RERE: variants seen among roughly 807,000 people sequenced by gnomAD.
RERE encodes arginine-glutamic acid dipeptide repeats.
In RERE, 40 loss-of-function variants were observed where a neutral mutation model predicts 146.1. The observed-to-expected ratio is 0.27, with a 90% CI of 0.21 to 0.36. The LOEUF is 0.36. RERE is among the 10% of genes least tolerant of loss of function. The pLI, the probability that RERE is intolerant of heterozygous loss-of-function variation, is 1.00. For synonymous variants in RERE, 1,003 were observed against 866.0 expected, an observed-to-expected ratio of 1.16 and a Z score of -2.78; for missense variants, 1,933 against 2,138.7, an observed-to-expected ratio of 0.90 and a Z score of 1.90.
chr1:8,498,728 T>TAA (rs1216791448), intron 8 of RERE, among the ~76,000 whole-genome samples: 1 of 11,408 alleles, frequency 8.8e-5, no homozygotes, highest in African/African-American at 2.6e-4. Flanking sequence ...AAAAAATAAA[T>TAA]ATATACACAC....
intron 1 of RERE, among the ~76,000 whole-genome samples, chr1:8,758,371 G>A (rs1640687007): frequency 6.7e-6 from 1 of 149,600 alleles, no homozygotes; most frequent in East Asian, 2.0e-4. Flanking sequence ...GTGAGCCACC[G>A]TGCCTGGCCC....
intron 11 of RERE, among the ~76,000 whole-genome samples, chr1:8,457,747 C>T (rs1033888981): frequency 6.6e-6 from 1 of 152,030 alleles, no homozygotes; most frequent in South Asian, 2.1e-4. Flanking sequence ...ATTACAAGCA[C>T]GCACCACCAC....
Position 8,358,595 on chromosome 1 carries a change from T to G in RERE, c.3940A>C (p.Ile1314Leu), listed in dbSNP as rs1204145966. The G allele has an allele frequency of 1.9e-6, 3 of 1,599,678 alleles. No homozygotes were observed. The highest frequency in any genetic ancestry group is 2.6e-6 in the Non-Finnish European group (3 of 1,173,076). Residue 1314 changes from isoleucine to leucine, a missense_variant, in exon 20 of 23, where the codon ATC becomes CTC. Transcript: ENST00000400908. ...LREREIREREIRERELRERMK... is the reference protein window; with the variant it reads ...LREREIRERELRERELRERMK... ...CTCTCCCGCAGCTCCCGCTCTCGGATCTCCCGCTCTCGGATCTCCCGCTCC... is the reference window on the plus strand; with the variant it reads ...CTCTCCCGCAGCTCCCGCTCTCGGAGCTCCCGCTCTCGGATCTCCCGCTCC...
intron 12 of RERE, among the ~76,000 whole-genome samples, chr1:8,407,097 G>A (rs1054670245): frequency 2.6e-5 from 4 of 152,222 alleles, no homozygotes; most frequent in African/African-American, 7.2e-5. Flanking sequence ...GCAGGCATTC[G>A]CATTAGGAAA....
intron 1 of RERE, among the ~76,000 whole-genome samples, chr1:8,709,841 A>G (rs1390671809): frequency 6.6e-6 from 1 of 152,104 alleles, no homozygotes; most frequent in Non-Finnish European, 1.5e-5. Flanking sequence ...ATGAATATAC[A>G]CTCTTTCAGA....
intron 1 of RERE, among the ~76,000 whole-genome samples, chr1:8,780,311 T>G (rs995088085): frequency 1.6e-4 from 25 of 152,190 alleles, no homozygotes; most frequent in African/African-American, 5.8e-4. Context: ...AGTACATGCC[T>G]GAGTTACCTC....
At chr1:8,580,688 C>CA (rs1393588592) in intron 4 of RERE, among the ~76,000 whole-genome samples, 4 of 152,054 alleles carry the variant, frequency 2.6e-5, no homozygotes, top group Non-Finnish European at 5.9e-5. Context: ...TCACCCTACC[C>CA]ATAGAAAACC....
intron 6 of RERE, among the ~76,000 whole-genome samples, chr1:8,553,049 C>T (rs928912857): frequency 6.6e-5 from 10 of 151,654 alleles, no homozygotes; most frequent in Admixed American, 3.9e-4. Context: ...TCCACACACA[C>T]GTGACACACC....
intron 1 of RERE, among the ~76,000 whole-genome samples, chr1:8,795,618 G>A (rs1433171654): frequency 6.6e-6 from 1 of 152,130 alleles, no homozygotes; most frequent in Non-Finnish European, 1.5e-5. Flanking sequence ...TGCCAACCAG[G>A]AGTCATGGCT....
intron 7 of RERE, among the ~76,000 whole-genome samples, chr1:8,524,267 G>A (rs978132898): frequency 2.0e-5 from 3 of 152,044 alleles, no homozygotes; most frequent in African/African-American, 4.8e-5. Flanking sequence ...AATAATAAAC[G>A]CACACCCTAA....
chr1:8,661,568 C>A (rs1311418313), intron 1 of RERE, among the ~76,000 whole-genome samples: 1 of 151,838 alleles, frequency 6.6e-6, no homozygotes, highest in Admixed American at 6.6e-5. Flanking sequence ...CTGGGAAGGG[C>A]TGGGGTAGTA....
chr1:8,455,978 G>A (rs1644448530), intron 11 of RERE, among the ~76,000 whole-genome samples: 1 of 152,056 alleles, frequency 6.6e-6, no homozygotes, highest in Admixed American at 6.5e-5. Flanking sequence ...ACACTACTAG[G>A]GAACATTAAG....
intron 1 of RERE, among the ~76,000 whole-genome samples, chr1:8,662,548 T>C (rs904730557): frequency 2.6e-5 from 4 of 152,026 alleles, no homozygotes; most frequent in Non-Finnish European, 4.4e-5. Context: ...AAATTAGCTA[T>C]GCGTGGTGGT....
chr1:8,481,586 A>G (rs906587022), intron 10 of RERE, among the ~76,000 whole-genome samples: 10 of 152,254 alleles, frequency 6.6e-5, no homozygotes, highest in Non-Finnish European at 1.5e-4. Context: ...GAATTCATTC[A>G]TAAAAAGCAC....
chr1:8,474,364 A>G (rs1241173614), intron 10 of RERE, among the ~76,000 whole-genome samples: 1 of 152,216 alleles, frequency 6.6e-6, no homozygotes, highest in Non-Finnish European at 1.5e-5. Context: ...CATGGTTATA[A>G]AGCATGTTAT....
chr1:8,352,507 G>C lies in RERE; in HGVS notation c.*2580C>G, dbSNP rs1641135444. The C allele has an allele frequency of 6.6e-6, 1 of 152,476 alleles. No individual in the cohort carries two copies. Among genetic ancestry groups the C allele is most frequent in the Non-Finnish European group, 1.5e-5 (1 of 68,042 alleles). The allele number at this position is 152,476 out of a possible 1,614,324, so 9.4% of individuals were successfully genotyped here. On this transcript the variant is annotated 3_prime_UTR_variant, in exon 23 of 23. Transcript: ENST00000400908. ...AAGTCACGATTTCTGGGTGTCTACT[G>C]TTTACACTGTGTTATCTCATGGCAA...
At chr1:8,402,572 C>T (rs575206534) in intron 12 of RERE, among the ~76,000 whole-genome samples, 13 of 152,170 alleles carry the variant, frequency 8.5e-5, no homozygotes, top group African/African-American at 1.4e-4. Context: ...TTTGCATTCC[C>T]GGGATAACTC....
At chr1:8,658,755 CA>C (rs569580732) in intron 1 of RERE, among the ~76,000 whole-genome samples, 201 of 118,452 alleles carry the variant, frequency 1.7e-3, no homozygotes, top group Admixed American at 1.7e-3. Flanking sequence ...GACTCCATCT[CA>C]AAAAAAAAAA....
At chr1:8,741,841 C>G (rs1640316154) in intron 1 of RERE, among the ~76,000 whole-genome samples, 1 of 152,134 alleles carries the variant, frequency 6.6e-6, no homozygotes, top group Non-Finnish European at 1.5e-5. Flanking sequence ...GAGATTATAT[C>G]TGATATGTTG....
Sources: gnomAD v4.1 joint callset for allele counts (sites outside exome capture counted in the v4.1 genomes callset) on GRCh38, gnomAD v4.1.1 for gene constraint, MANE v1.5 for transcripts, NCBI Gene and HGNC (gene_info 2026-07-23, HGNC 2026-07-21) for gene names.